Variants in TUSC3 observed in about 807,000 individuals in gnomAD.
The protein encoded by TUSC3 is dolichyl-diphosphooligosaccharide--protein glycosyltransferase subunit TUSC3.
A neutral mutation model predicts 44.8 loss-of-function variants in TUSC3; 45 were observed. The ratio of observed to expected loss-of-function variants is 1.00; its 90% CI spans 0.79 to 1.29. The LOEUF is 1.29. TUSC3 is among the 50% of genes most tolerant of loss of function. The pLI is 0.00. For missense variants in TUSC3, 519 were observed against 437.9 expected, an observed-to-expected ratio of 1.19 and a Z score of -1.65; for synonymous variants, 212 against 152.9, an observed-to-expected ratio of 1.39 and a Z score of -2.85.
chr8:15,444,261 A>C (rs775774439), intron 1 of TUSC3, among the ~76,000 whole-genome samples: 7 of 152,326 alleles, frequency 4.6e-5, no homozygotes, highest in Non-Finnish European at 1.0e-4. Context: ...AAGACTCTTC[A>C]TGACACTTGT....
In TUSC3 at chr8:15,473,606, C is replaced by G. The variant is rs140311798; in HGVS notation, n.92-9780C>G. Among the ~76,000 whole-genome samples the G allele has an allele frequency of 3.1e-3, 478 of 152,262 alleles. 4 individuals carry two copies. Among genetic ancestry groups the G allele is most frequent in the African/African-American group, 9.6e-3 (400 of 41,554 alleles). On this transcript the variant is annotated intron_variant and non_coding_transcript_variant, in intron 1 of 5. Transcript: ENST00000503191. ...GAGTACAAAGAGAGGAATTTTACAG[C>G]TGGGACTCCGGGGGTGACATCATAT...
the TUSC3 span, among the ~76,000 whole-genome samples, chr8:15,846,482 A>G: frequency 6.6e-6 from 1 of 152,192 alleles, no homozygotes; most frequent in South Asian, 2.1e-4. Context: ...GATAGACTGG[A>G]TGAAGAAAAT....
chr8:15,467,350 A>T (rs1480802608), intron 1 of TUSC3, among the ~76,000 whole-genome samples: 1 of 152,006 alleles, frequency 6.6e-6, no homozygotes, highest in Non-Finnish European at 1.5e-5. Flanking sequence ...TACATCTTGA[A>T]CTCACTAAGT....
rs1035842699 is a variant in TUSC3, at chr8:15,765,423, T to C, written c.*1267T>C. The C allele has an allele frequency of 6.6e-6, 1 of 151,996 alleles. No individual in the cohort carries two copies. The highest frequency in any genetic ancestry group is 1.5e-5 in the Non-Finnish European group (1 of 67,914). 9.4% of individuals were successfully genotyped at this position (151,996 alleles called of 1,614,324 possible). On this transcript the variant is annotated 3_prime_UTR_variant, in exon 11 of 11. Coordinates refer to ENST00000503731, the MANE Select transcript of TUSC3 (RefSeq NM_006765.4). ...GATTTGAGTAACAGACCATGGAGAATTGTTTTCATTGGGAGTTCCAGCTAT... is the reference window on the plus strand; with the variant it reads ...GATTTGAGTAACAGACCATGGAGAACTGTTTTCATTGGGAGTTCCAGCTAT...
At chr8:15,798,327 C>A in the TUSC3 span, among the ~76,000 whole-genome samples, 1 of 152,176 alleles carries the variant, frequency 6.6e-6, no homozygotes, top group East Asian at 1.9e-4. Flanking sequence ...TCTGCATAGG[C>A]TAGTTCCCTA....
chr8:15,838,914 T>G, the TUSC3 span, among the ~76,000 whole-genome samples: 1 of 152,162 alleles, frequency 6.6e-6, no homozygotes, highest in Non-Finnish European at 1.5e-5. Context: ...GGTAGCTCAA[T>G]GGGGATGGCA....
chr8:15,770,931 T>C (rs1385187180), downstream of TUSC3, among the ~76,000 whole-genome samples: 2 of 152,116 alleles, frequency 1.3e-5, no homozygotes, highest in Admixed American at 1.3e-4. Context: ...AAATTCCACA[T>C]AGTATACACA....
At chr8:15,573,391 C>T (rs527724919) in intron 1 of TUSC3, among the ~76,000 whole-genome samples, 1 of 151,786 alleles carries the variant, frequency 6.6e-6, no homozygotes, top group African/African-American at 2.4e-5. Flanking sequence ...TAAGCTGTTC[C>T]TACACAATAG....
At chr8:15,613,440 C>G (rs1804849207) in intron 1 of TUSC3, among the ~76,000 whole-genome samples, 1 of 152,100 alleles carries the variant, frequency 6.6e-6, no homozygotes, top group Non-Finnish European at 1.5e-5. Context: ...AGATGCAGTG[C>G]TAAGAGTTTT....
At chr8:15,574,951 AG>A (rs1283554214) in intron 1 of TUSC3, among the ~76,000 whole-genome samples, 2 of 152,066 alleles carry the variant, frequency 1.3e-5, no homozygotes, top group African/African-American at 4.8e-5. Context: ...TTGTATTTTA[AG>A]GTTATTTTGA....
intron 1 of TUSC3, among the ~76,000 whole-genome samples, chr8:15,462,344 G>A (rs979997498): frequency 6.6e-6 from 1 of 152,044 alleles, no homozygotes. Context: ...TAAAAATTGG[G>A]CAAAGTATCT....
At chr8:15,531,486 A>G (rs1801448906) in intron 2 of TUSC3, among the ~76,000 whole-genome samples, 1 of 152,172 alleles carries the variant, frequency 6.6e-6, no homozygotes, top group Non-Finnish European at 1.5e-5. Context: ...TCCTGACCTC[A>G]GGTGATCCAC....
intron 1 of TUSC3, among the ~76,000 whole-genome samples, chr8:15,541,417 T>G (rs939347981): frequency 2.0e-5 from 3 of 152,220 alleles, no homozygotes; most frequent in Admixed American, 1.3e-4. Flanking sequence ...GTGAGAGTTA[T>G]CTGCTTACAT....
rs1035405149 is a variant in TUSC3 at position 15,587,797 on chromosome 8, T to C, written c.139-35283T>C. Among the ~76,000 whole-genome samples, 13 of 152,268 alleles carry C rather than the reference T, an allele frequency of 8.5e-5. No individual in the cohort carries two copies. In the Middle Eastern group the frequency reaches 0.014, roughly 159 times the overall value. On this transcript the variant is annotated intron_variant, in intron 1 of 10. Transcript: ENST00000503731. ...TAGTATGAACTCATTTTTTTCCACA[T>C]ATGATTGAGAACATATATGATTTAT... is the stretch of plus-strand genomic sequence containing the variant.
chr8:15,688,430 C>CT (rs11383982), intron 6 of TUSC3, among the ~76,000 whole-genome samples: 10,829 of 141,222 alleles, frequency 0.077, 1,242 homozygotes, highest in African/African-American at 0.25. Context: ...CTTCAGTATT[C>CT]TTTTTTTTTT....
Position 15,659,591 on chromosome 8 carries a change from ATT to A in TUSC3, c.512_513del (p.Ile171ArgfsTer5). The A allele has an allele frequency of 6.2e-7, 1 of 1,613,548 alleles. No homozygotes were observed. Among genetic ancestry groups the A allele is most frequent in the Admixed American group, 1.7e-5 (1 of 59,996 alleles). On this transcript the variant is annotated frameshift_variant, in exon 4 of 11. Transcript: ENST00000503731. LOFTEE classifies it high-confidence loss of function. ...AGCTGATACTTTTGACCTCCAAAGA[ATT>A]GGATTTGCAGCTGAGCAACTAGCAA... ...KRADTFDLQR[I>X]GFAAEQLAKW...
chr8:15,688,832 A>C (rs1490009686), intron 6 of TUSC3: 1 of 154,190 alleles, frequency 6.5e-6, no homozygotes, highest in African/African-American at 2.4e-5. Context: ...AACTCAGCGT[A>C]ATTAATCCAG....
intron 2 of TUSC3, among the ~76,000 whole-genome samples, chr8:15,506,189 A>G (rs1224522194): frequency 6.6e-6 from 1 of 152,146 alleles, no homozygotes; most frequent in African/African-American, 2.4e-5. Flanking sequence ...ACCCCAAAAT[A>G]AAGGCCTCCA....
At chr8:15,468,210 C>A (rs536590918) in intron 1 of TUSC3, among the ~76,000 whole-genome samples, 20 of 152,178 alleles carry the variant, frequency 1.3e-4, no homozygotes, top group Non-Finnish European at 2.8e-4. Context: ...TGGTTTTTTC[C>A]TGAAGCAAAG....
Sources: allele counts gnomAD v4.1 joint callset (sites outside exome capture counted in the v4.1 genomes callset), GRCh38; gene constraint gnomAD v4.1.1; transcripts MANE v1.5; gene names NCBI Gene and HGNC (gene_info 2026-07-23, HGNC 2026-07-21).